PCNX1: variants seen among roughly 807,000 people sequenced by gnomAD.
PCNX1 encodes pecanex-like protein 1.
Under a neutral mutation model 242.2 loss-of-function variants are expected in PCNX1, and 78 were observed. The observed-to-expected ratio is 0.32, with a 90% CI of 0.27 to 0.39. PCNX1 has a LOEUF of 0.39. Ranked by LOEUF, PCNX1 falls within the 10% of genes least tolerant of loss-of-function variation. The pLI is 1.00. For synonymous variants in PCNX1, 1,024 were observed against 1,032.9 expected (o/e 0.99, Z 0.17); for missense variants, 2,581 against 2,856.5 (o/e 0.90, Z 2.20).
rs139456304 is a variant in PCNX1 at position 70,978,120 on chromosome 14, A to G, written c.1783A>G (p.Ile595Val). 4 of 1,614,052 alleles carry G rather than the reference A, an allele frequency of 2.5e-6. No individual in the cohort carries two copies. Among genetic ancestry groups the G allele is most frequent in the Admixed American group, 1.7e-5 (1 of 60,006 alleles). Residue 595 changes from isoleucine (I) to valine (V), a missense_variant, in exon 6 of 36, where the codon ATA becomes GTA. Coordinates refer to ENST00000304743, the MANE Select transcript of PCNX1 (RefSeq NM_014982.3). The part of the protein sequence containing the change: ...GVSGTKPHSA[I>V]FCHDEDSSDQ... ...TTCTGGTACCAAGCCACACAGTGCT[A>G]TATTTTGTCATGACGAAGACTCTAG...
At chr14:70,979,032 C>T (rs1383872918) in intron 6 of PCNX1, among the ~76,000 whole-genome samples, 8 of 152,114 alleles carry the variant, frequency 5.3e-5, no homozygotes, top group Non-Finnish European at 1.5e-5. Flanking sequence ...AACTCTTATA[C>T]AGTATATGAC....
intron 28 of PCNX1, among the ~76,000 whole-genome samples, chr14:71,085,207 G>T (rs907149162): frequency 1.3e-5 from 2 of 152,174 alleles, no homozygotes; most frequent in African/African-American, 4.8e-5. Flanking sequence ...GATGAGCCGG[G>T]TACTTCAGTT....
chr14:71,110,194 T>A lies in PCNX1; in HGVS notation c.*259T>A, dbSNP rs2062728848. The A allele has an allele frequency of 2.1e-6, 1 of 485,242 alleles. No individual in the cohort carries two copies. The highest frequency in any genetic ancestry group is 2.1e-5 in the South Asian group (1 of 46,832). The allele number at this position is 485,242 out of a possible 1,614,324, so 30.1% of individuals were successfully genotyped here. On this transcript the variant is annotated 3_prime_UTR_variant, in exon 36 of 36. Coordinates refer to ENST00000304743, the MANE Select transcript of PCNX1 (RefSeq NM_014982.3). ...ATTTTGCATGAAGGATAAAGTTCTG[T>A]TAAAATACATCCTTAAAAAAAGTTT...
intron 6 of PCNX1, among the ~76,000 whole-genome samples, chr14:70,987,777 A>G (rs547952989): frequency 2.6e-5 from 4 of 152,288 alleles, no homozygotes; most frequent in African/African-American, 9.6e-5. Context: ...CTCATGTTGT[A>G]TGCTTGGCTT....
chr14:71,038,711 T>G lies in PCNX1; in HGVS notation c.3867+2554T>G, dbSNP rs1411809569. ...TAGAAATACCATTTGACCCAGCCAT[T>G]CCATTACTGGGTATATACCCAAAGG... On this transcript the variant is annotated intron_variant, in intron 19 of 35. Coordinates refer to ENST00000304743, the MANE Select transcript of PCNX1 (RefSeq NM_014982.3). Among the ~76,000 whole-genome samples the G allele has an allele frequency of 2.6e-5, 4 of 151,646 alleles. No individual in the cohort carries two copies. The East Asian group carries it at 7.7e-4, about 29-fold the overall frequency.
chr14:70,965,864 C>T (rs1367266197), intron 3 of PCNX1, among the ~76,000 whole-genome samples: 1 of 152,066 alleles, frequency 6.6e-6, no homozygotes, highest in Non-Finnish European at 1.5e-5. Context: ...CTTCCTATGG[C>T]ACTTGTCATA....
At chr14:71,006,658 A>G in intron 8 of PCNX1, among the ~76,000 whole-genome samples, 1 of 152,232 alleles carries the variant, frequency 6.6e-6, no homozygotes, top group East Asian at 1.9e-4. Flanking sequence ...TTTTAATCTC[A>G]AAAGAAATAG....
chr14:71,112,201 C>G lies in PCNX1; in HGVS notation c.*2266C>G, dbSNP rs2062765434. ...AAATCTGACCTTTACATGATTTAAT[C>G]TGAAGGGCTAGAATTTTTTAATTTC... On this transcript the variant is annotated 3_prime_UTR_variant, in exon 36 of 36. Transcript: ENST00000304743. 6.6e-6 allele frequency: 1 copy of G among 152,226 alleles called. No individual in the cohort carries two copies. Among genetic ancestry groups the G allele is most frequent in the South Asian group, 2.1e-4 (1 of 4,830 alleles). 9.4% of individuals were successfully genotyped at this position (152,226 alleles called of 1,614,324 possible).
At chr14:70,928,968 G>A (rs2140143792) in intron 1 of PCNX1, among the ~76,000 whole-genome samples, 1 of 152,228 alleles carries the variant, frequency 6.6e-6, no homozygotes. Flanking sequence ...TCAACACATA[G>A]GATAGGATGA....
At chr14:71,020,470 G>T (rs1035908841) in intron 12 of PCNX1, among the ~76,000 whole-genome samples, 2 of 152,096 alleles carry the variant, frequency 1.3e-5, no homozygotes, top group African/African-American at 4.8e-5. Flanking sequence ...AATGATTGCT[G>T]TTCTAACTGG....
chr14:71,035,914 TATC>T (rs1196021436), intron 18 of PCNX1, 148 bp from the exon 19 acceptor site: 6 of 565,684 alleles, frequency 1.1e-5, no homozygotes, highest in Non-Finnish European at 1.6e-5. Flanking sequence ...AGTGTTAAAG[TATC>T]AATGAAAACT....
chr14:70,969,468 C>T (rs1467002836), intron 5 of PCNX1, among the ~76,000 whole-genome samples: 1 of 152,144 alleles, frequency 6.6e-6, no homozygotes, highest in Non-Finnish European at 1.5e-5. Flanking sequence ...CCATTCAGTA[C>T]GATCTCTAAA....
At chr14:71,018,977 A>G (rs367772711) in intron 11 of PCNX1, 32 bp from the exon 12 acceptor site, 84 of 1,566,424 alleles carry the variant, frequency 5.4e-5, no homozygotes, top group Non-Finnish European at 7.2e-5. Context: ...TATACTTAAG[A>G]TATACTTACC....
At chr14:70,967,944 G>A (rs145343208) in intron 3 of PCNX1, among the ~76,000 whole-genome samples, 3 of 152,020 alleles carry the variant, frequency 2.0e-5, no homozygotes, top group Non-Finnish European at 4.4e-5. Context: ...GCTCTGGGGG[G>A]GCTCCGTCAG....
intron 34 of PCNX1, among the ~76,000 whole-genome samples, 179 bp from the exon 35 acceptor site, chr14:71,109,273 A>G (rs2062704455): frequency 6.6e-6 from 1 of 152,202 alleles, no homozygotes; most frequent in South Asian, 2.1e-4. Flanking sequence ...TGGACATTGC[A>G]GTGAGGTCTA....
chr14:70,949,269 G>GCACACGCGTGTATA (rs1566608380), intron 2 of PCNX1, among the ~76,000 whole-genome samples: 2 of 27,840 alleles, frequency 7.2e-5, no homozygotes, highest in Non-Finnish European at 2.0e-4. Context: ...ACACGTGTAT[G>GCACACGCGTGTATA]CACACACGTG....
chr14:71,050,107 CTT>C (rs2060980033), intron 22 of PCNX1, among the ~76,000 whole-genome samples: 1 of 151,996 alleles, frequency 6.6e-6, no homozygotes, highest in Non-Finnish European at 1.5e-5. Context: ...GAAAATGTGT[CTT>C]AGAATAAAAT....
At chr14:70,919,343 G>C (rs1456252467) in intron 1 of PCNX1, among the ~76,000 whole-genome samples, 2 of 152,106 alleles carry the variant, frequency 1.3e-5, no homozygotes, top group Non-Finnish European at 2.9e-5. Flanking sequence ...AATTTGATCT[G>C]ATTTTTCCTA....
intron 28 of PCNX1, among the ~76,000 whole-genome samples, chr14:71,077,250 A>G (rs2061741017): frequency 6.6e-6 from 1 of 152,190 alleles, no homozygotes; most frequent in African/African-American, 2.4e-5. Flanking sequence ...ACCCCTGATC[A>G]GACTCCATGT....
Sources: allele counts gnomAD v4.1 joint callset (sites outside exome capture counted in the v4.1 genomes callset), GRCh38; gene constraint gnomAD v4.1.1; transcripts MANE v1.5; gene names NCBI Gene and HGNC (gene_info 2026-07-23, HGNC 2026-07-21).